Variants in PKP2 observed in about 807,000 individuals in gnomAD.
PKP2 encodes the protein plakophilin-2.
A neutral mutation model predicts 83.4 loss-of-function variants in PKP2; 73 were observed. The ratio of observed to expected loss-of-function variants is 0.88; its 90% CI spans 0.72 to 1.06. The LOEUF (loss-of-function observed/expected upper bound fraction) is 1.06, where lower values mean the gene tolerates loss of function less well. PKP2 is among the 50% of genes least tolerant of loss of function. PKP2 has a pLI of 0.00. For synonymous variants in PKP2, 409 were observed against 430.4 expected (o/e 0.95, Z 0.62); for missense variants, 966 against 1,065.4 (o/e 0.91, Z 1.30).
intron 9 of PKP2, among the ~76,000 whole-genome samples, chr12:32,817,155 C>T (rs1329041136): frequency 6.6e-6 from 1 of 152,164 alleles, no homozygotes; most frequent in African/African-American, 2.4e-5. Flanking sequence ...TGGTCTTTGA[C>T]AAAGTTGACA....
At chr12:32,842,174 G>A (rs1164196272) in intron 5 of PKP2, among the ~76,000 whole-genome samples, 1 of 152,168 alleles carries the variant, frequency 6.6e-6, no homozygotes, top group East Asian at 1.9e-4. Flanking sequence ...TTCAGTGGAA[G>A]GAAGACTGTA....
intron 9 of PKP2, among the ~76,000 whole-genome samples, chr12:32,807,247 C>T (rs186103955): frequency 6.6e-6 from 1 of 151,986 alleles, no homozygotes. Context: ...TGAGTTAACT[C>T]TTCTTGTTGA....
chr12:32,896,039 T>C (rs897874295), intron 1 of PKP2, among the ~76,000 whole-genome samples: 1 of 152,194 alleles, frequency 6.6e-6, no homozygotes, highest in Admixed American at 6.5e-5. Flanking sequence ...GGAGCGCCAG[T>C]GCTGTCGGTT....
rs1592724022 is a variant in PKP2, at chr12:32,791,619, T to C, written c.*805A>G. 1 of 152,244 alleles carries C rather than the reference T, an allele frequency of 6.6e-6. No homozygotes were observed. Among genetic ancestry groups the C allele is most frequent in the Non-Finnish European group, 1.5e-5 (1 of 68,064 alleles). 9.4% of individuals were successfully genotyped at this position (152,244 alleles called of 1,614,324 possible). ...AGATTTGGATTTAACGGCGTTGTTA[T>C]AGGTAAAGTATCTCCTGAGAAAAAT... is the stretch of plus-strand genomic sequence containing the variant. On this transcript the variant is annotated 3_prime_UTR_variant, in exon 13 of 13. Coordinates refer to ENST00000340811, the MANE Select transcript of PKP2 (RefSeq NM_001005242.3).
chr12:32,868,844 A>C (rs1956871977), intron 4 of PKP2, 83 bp downstream of exon 4: 3 of 1,447,818 alleles, frequency 2.1e-6, no homozygotes, highest in Non-Finnish European at 2.9e-6. Flanking sequence ...AATTTAAATA[A>C]ATTATTGGTT....
chr12:32,891,018 C>A (rs1957071878), intron 1 of PKP2, among the ~76,000 whole-genome samples: 1 of 151,506 alleles, frequency 6.6e-6, no homozygotes, highest in Non-Finnish European at 1.5e-5. Flanking sequence ...TATGAGAGCA[C>A]TTGATAGTTT....
At chr12:32,826,419 C>T (rs1019879293) in intron 6 of PKP2, among the ~76,000 whole-genome samples, 3 of 151,886 alleles carry the variant, frequency 2.0e-5, no homozygotes, top group East Asian at 1.9e-4. Context: ...TGACAAAACC[C>T]GACTGTTTTA....
rs1956977356 is a variant in PKP2, at chr12:32,880,679, A to G, written c.224-1647T>C. ...GCTCTGTGAAGCCTACAGGGATTCA[A>G]CTGATGCCTGTCTCATATATCTTCA... On this transcript the variant is annotated intron_variant, in intron 1 of 12. Transcript: ENST00000340811. Among the ~76,000 whole-genome samples, 8 of 152,304 alleles carry G rather than the reference A, an allele frequency of 5.3e-5. 1 individual carries two copies. The South Asian group carries it at 1.5e-3, about 28-fold the overall frequency.
At chr12:32,807,445 G>A (rs1425130200) in intron 9 of PKP2, among the ~76,000 whole-genome samples, 2 of 152,130 alleles carry the variant, frequency 1.3e-5, no homozygotes, top group Admixed American at 1.3e-4. Flanking sequence ...TGGGTCTCTT[G>A]AAGACAGCAC....
Position 32,841,202 on chromosome 12 carries a change from A to G in PKP2, c.1382T>C (p.Leu461Ser), listed in dbSNP as rs1434862252. The change falls in exon 6 of 13, where the codon TTG (leucine) becomes TCG (serine). Residue 461 changes from leucine (L) to serine (S), a missense_variant. Leu to Ser is a moderately radical substitution (Grantham distance 145). Coordinates refer to ENST00000340811, the MANE Select transcript of PKP2 (RefSeq NM_001005242.3). ...GTCATTAGATGACAAATTCCACAGC[A>G]AACCTAGAAAAGCACAGAGTTACCA... is the stretch of plus-strand genomic sequence containing the variant. ...DLETKKQITG[L>S]LWNLSSNDKL... is the part of the protein sequence containing the mutation. The G allele has an allele frequency of 6.2e-7, 1 of 1,612,890 alleles. No individual in the cohort carries two copies. The highest frequency in any genetic ancestry group is 2.2e-5 in the East Asian group (1 of 44,882).
intron 3 of PKP2, among the ~76,000 whole-genome samples, chr12:32,874,738 T>C (rs1390116964): frequency 6.6e-6 from 1 of 152,106 alleles, no homozygotes; most frequent in African/African-American, 2.4e-5. Context: ...CCTTCACTCT[T>C]TCACCATATA....
At chr12:32,870,057 A>G (rs1254123706) in intron 3 of PKP2, among the ~76,000 whole-genome samples, 1 of 152,154 alleles carries the variant, frequency 6.6e-6, no homozygotes, top group African/African-American at 2.4e-5. Flanking sequence ...TAATGACTAA[A>G]GACATGCTTT....
chr12:32,802,791 T>C (rs1003503407), intron 9 of PKP2, among the ~76,000 whole-genome samples: 2 of 152,030 alleles, frequency 1.3e-5, no homozygotes, highest in Non-Finnish European at 2.9e-5. Context: ...CCAGACTAGC[T>C]GGGATTACAG....
intron 6 of PKP2, among the ~76,000 whole-genome samples, chr12:32,838,372 G>A (rs1956561234): frequency 6.6e-6 from 1 of 151,942 alleles, no homozygotes; most frequent in African/African-American, 2.4e-5. Flanking sequence ...TCCATCTATT[G>A]GGTACTAAGT....
At chr12:32,838,448 C>G (rs138877537) in intron 6 of PKP2, among the ~76,000 whole-genome samples, 2,002 of 150,568 alleles carry the variant, frequency 0.013, 26 homozygotes, top group Non-Finnish European at 0.02. Flanking sequence ...ACCTGTGTGA[C>G]AAACCTGTAC....
At chr12:32,857,772 C>T (rs528652482) in intron 4 of PKP2, among the ~76,000 whole-genome samples, 2 of 151,770 alleles carry the variant, frequency 1.3e-5, no homozygotes, top group African/African-American at 2.4e-5. Context: ...ACAGTCAAGC[C>T]AGCAAACAAC....
At chr12:32,885,983 G>A (rs1957026575) in intron 1 of PKP2, among the ~76,000 whole-genome samples, 1 of 152,150 alleles carries the variant, frequency 6.6e-6, no homozygotes, top group South Asian at 2.1e-4. Flanking sequence ...AAGTGATTTG[G>A]TTCACACTGA....
At chr12:32,884,640 A>C (rs1957014525) in intron 1 of PKP2, among the ~76,000 whole-genome samples, 1 of 152,208 alleles carries the variant, frequency 6.6e-6, no homozygotes, top group African/African-American at 2.4e-5. Flanking sequence ...TCTCCTCTAC[A>C]CAAGCAATAT....
intron 6 of PKP2, chr12:32,824,367 GT>G (rs1956413580): frequency 3.5e-6 from 2 of 571,246 alleles, no homozygotes; most frequent in Non-Finnish European, 3.1e-6. Context: ...CAAACAACAC[GT>G]AATTGTGTCA....
Sources: allele counts gnomAD v4.1 joint callset (sites outside exome capture counted in the v4.1 genomes callset), GRCh38; gene constraint gnomAD v4.1.1; transcripts MANE v1.5; gene names NCBI Gene and HGNC (gene_info 2026-07-23, HGNC 2026-07-21).